The following STAT1 variants were observed in gnomAD, a reference collection of about 807,000 sequenced individuals.
STAT1 encodes the protein signal transducer and activator of transcription 1-alpha/beta.
STAT1 carries 24 observed loss-of-function variants against 111.7 expected under a neutral mutation model. That is an observed-to-expected ratio of 0.21 (90% CI 0.16 to 0.30). STAT1 has a LOEUF of 0.30. Ranked by LOEUF, STAT1 falls within the 10% of genes least tolerant of loss-of-function variation. STAT1 has a pLI of 1.00. For synonymous variants in STAT1, 332 were observed against 326.5 expected (o/e 1.02, Z -0.18); for missense variants, 351 against 911.9 (o/e 0.38, Z 7.92).
Position 190,979,089 on chromosome 2 carries a change from G to T in STAT1, c.1728-88C>A. 1 of 1,550,778 alleles carries T rather than the reference G, an allele frequency of 6.4e-7. No homozygotes were observed. The highest frequency in any genetic ancestry group is 8.8e-7 in the Non-Finnish European group (1 of 1,133,700). Reference sequence around the variant, plus strand: ...AACTTACAAACCAAGAAAATGGCTGGAATGTGAGAAAAAAAACCTACGGTA... The same window carrying T: ...AACTTACAAACCAAGAAAATGGCTGTAATGTGAGAAAAAAAACCTACGGTA... On this transcript the variant is annotated intron_variant, in intron 20 of 24. Coordinates refer to ENST00000361099, the MANE Select transcript of STAT1 (RefSeq NM_007315.4). The surrounding 1 kb of genome is among the most constrained non-coding windows in gnomAD (Gnocchi z 5.8).
Position 190,999,136 on chromosome 2 carries a change from A to C in STAT1, c.541+490T>G, listed in dbSNP as rs1251531676. 6.6e-6 allele frequency among the ~76,000 whole-genome samples: 1 copy of C among 152,206 alleles called. No individual in the cohort carries two copies. On this transcript the variant is annotated intron_variant, in intron 7 of 24. Coordinates refer to ENST00000361099, the MANE Select transcript of STAT1 (RefSeq NM_007315.4). This position sits in a 1 kb window ranked among gnomAD's most constrained non-coding sequence, Gnocchi z 4.1. Reference sequence around the variant, plus strand: ...GTAAAACTGCTTTAAAACATGAGAAAAATACTGAGCTTATCTGCTGTGTAT... The same window carrying C: ...GTAAAACTGCTTTAAAACATGAGAACAATACTGAGCTTATCTGCTGTGTAT...
rs1691397926 is a variant in STAT1, at chr2:190,970,832, T to A, written c.2239-115A>T. 2.0e-6 allele frequency: 2 copies of A among 1,008,304 alleles called. No individual in the cohort carries two copies. The highest frequency in any genetic ancestry group is 1.6e-6 in the Non-Finnish European group (1 of 645,002). The allele number at this position is 1,008,304 out of a possible 1,614,324, so 62.5% of individuals were successfully genotyped here. ...TGAAGTAGTAGGAAGATACTTGCAA[T>A]GGCAAATAAATACCGTGGAATAAGA... On this transcript the variant is annotated intron_variant, in intron 24 of 24. Coordinates refer to ENST00000361099, the MANE Select transcript of STAT1 (RefSeq NM_007315.4). This position sits in a 1 kb window ranked among gnomAD's most constrained non-coding sequence, Gnocchi z 5.4.
chr2:190,991,212 A>G lies in STAT1; in HGVS notation c.1037+16T>C, dbSNP rs769909688. 6.2e-7 allele frequency: 1 copy of G among 1,613,162 alleles called. No individual in the cohort carries two copies. Among genetic ancestry groups the G allele is most frequent in the Non-Finnish European group, 8.5e-7 (1 of 1,179,134 alleles). On this transcript the variant is annotated intron_variant, in intron 11 of 24. Transcript: ENST00000361099. ...CGTGACAGGTGATGTATGGGATGCC[A>G]TCTTTCCCTTGTTACCTCAACTTCA...
rs761609728 is a variant in STAT1 at position 190,983,696 on chromosome 2, G to A, written c.1392C>T (p.Leu464=). The A allele has an allele frequency of 6.2e-7, 1 of 1,614,096 alleles. No individual in the cohort carries two copies. The highest frequency in any genetic ancestry group is 8.5e-7 in the Non-Finnish European group (1 of 1,180,034). The change falls in exon 17 of 25, where the codon CTC becomes CTT. Residue 464 remains leucine, a synonymous_variant. Transcript: ENST00000361099. This position sits in a 1 kb window ranked among gnomAD's most constrained non-coding sequence, Gnocchi z 5.7. ...PVVVISNVSQ[L]PSGWASILWY... is the part of the protein sequence containing the mutation. The stretch of plus-strand genomic sequence containing the variant: ...AAAGGATGGAGGCCCAACCGCTCGG[G>A]AGCTGGCTGACGTTGGAGATCACCA...
At chr2:191,010,307 T>A in intron 2 of STAT1, 1 of 484,672 alleles carries the variant, frequency 2.1e-6, no homozygotes, top group Non-Finnish European at 4.2e-6. Context: ...CCTGGAAACA[T>A]GCTCTCTCTT....
At chr2:191,005,786 G>T (rs535093799) in intron 5 of STAT1, among the ~76,000 whole-genome samples, 326 of 152,312 alleles carry the variant, frequency 2.1e-3, no homozygotes, top group Non-Finnish European at 3.0e-3. Context: ...GCCAATAGTT[G>T]GCTGGATAAC....
chr2:190,980,515 C>G lies in STAT1; in HGVS notation c.1632+105G>C. On this transcript the variant is annotated intron_variant, in intron 19 of 24. Coordinates refer to ENST00000361099, the MANE Select transcript of STAT1 (RefSeq NM_007315.4). This position sits in a 1 kb window ranked among gnomAD's most constrained non-coding sequence, Gnocchi z 6.1. ...GGGGCTCCTTGGCCAGAGAAGAACA[C>G]GCCAAAATAAGCAAACAGTTAAGTA... 7.3e-7 allele frequency: 1 copy of G among 1,363,514 alleles called. No homozygotes were observed. 84.5% of individuals were successfully genotyped at this position (1,363,514 alleles called of 1,614,324 possible).
chr2:190,997,563 A>C lies in STAT1; in HGVS notation c.785+293T>G, dbSNP rs1369967442. On this transcript the variant is annotated intron_variant, in intron 9 of 24. Transcript: ENST00000361099. This position sits in a 1 kb window ranked among gnomAD's most constrained non-coding sequence, Gnocchi z 7.3. The stretch of plus-strand genomic sequence containing the variant: ...GTTTTTAAGGAAACATTAAGAGTCA[A>C]GTCATTAAATGTGTTCTATAACGAC... Among the ~76,000 whole-genome samples the C allele has an allele frequency of 6.6e-6, 1 of 152,226 alleles. No individual in the cohort carries two copies. The highest frequency in any genetic ancestry group is 1.5e-5 in the Non-Finnish European group (1 of 68,032).
chr2:190,986,301 C>T lies in STAT1; in HGVS notation c.1221+553G>A, dbSNP rs1253500960. On this transcript the variant is annotated intron_variant, in intron 14 of 24. Coordinates refer to ENST00000361099, the MANE Select transcript of STAT1 (RefSeq NM_007315.4). This position sits in a 1 kb window ranked among gnomAD's most constrained non-coding sequence, Gnocchi z 5.0. ...ACCCACAGAGCCTCACAGCAACTGG[C>T]AGCCCCCATGTTCACAGAGGAGGAA... is the stretch of plus-strand genomic sequence containing the variant. Among the ~76,000 whole-genome samples, 2 of 152,184 alleles carry T rather than the reference C, an allele frequency of 1.3e-5. No individual in the cohort carries two copies. Among genetic ancestry groups the T allele is most frequent in the African/African-American group, 4.8e-5 (2 of 41,444 alleles).
chr2:191,013,281 T>C (rs1695281946), intron 2 of STAT1, among the ~76,000 whole-genome samples: 1 of 152,182 alleles, frequency 6.6e-6, no homozygotes, highest in Non-Finnish European at 1.5e-5. Context: ...AATAACTCCT[T>C]ATCTATACAA....
rs1693922835 is a variant in STAT1, at chr2:190,997,222, C to T, written c.785+634G>A. Reference sequence around the variant, plus strand: ...GATCTACGTGGAGTAATCCTAGTGACTTTTGAGTCAGCACAAGGCCACTTC... The same window carrying T: ...GATCTACGTGGAGTAATCCTAGTGATTTTTGAGTCAGCACAAGGCCACTTC... On this transcript the variant is annotated intron_variant, in intron 9 of 24. Transcript: ENST00000361099. This position sits in a 1 kb window ranked among gnomAD's most constrained non-coding sequence, Gnocchi z 7.3. Among the ~76,000 whole-genome samples the T allele has an allele frequency of 6.6e-6, 1 of 152,246 alleles. No individual in the cohort carries two copies. The highest frequency in any genetic ancestry group is 2.4e-5 in the African/African-American group (1 of 41,464).
rs773540892 is a variant in STAT1, at chr2:191,001,173, G to A, written c.373-10C>T. 4.4e-6 allele frequency: 7 copies of A among 1,608,578 alleles called. No individual in the cohort carries two copies. Among genetic ancestry groups the A allele is most frequent in the Admixed American group, 1.7e-5 (1 of 60,016 alleles). ...TATTCCCCGACTGAGCCTGTAATGGGAAGGGCATGATTATAGCCATCGTTT... is the reference window on the plus strand; with the variant it reads ...TATTCCCCGACTGAGCCTGTAATGGAAAGGGCATGATTATAGCCATCGTTT... On this transcript the variant is annotated splice_polypyrimidine_tract_variant and intron_variant, in intron 5 of 24. Transcript: ENST00000361099.
At position 190,986,351 on chromosome 2, in the gene STAT1, C is replaced by A. The variant is rs561169719; in HGVS notation, c.1221+503G>T. Among the ~76,000 whole-genome samples, 34 of 152,288 alleles carry A rather than the reference C, an allele frequency of 2.2e-4. No individual in the cohort carries two copies. The highest frequency in any genetic ancestry group is 8.2e-4 in the African/African-American group (34 of 41,558). On this transcript the variant is annotated intron_variant, in intron 14 of 24. Coordinates refer to ENST00000361099, the MANE Select transcript of STAT1 (RefSeq NM_007315.4). This position sits in a 1 kb window ranked among gnomAD's most constrained non-coding sequence, Gnocchi z 5.0. ...AAGATGGTGCACCCACACAGAGCAT[C>A]CTGCTGGGTCTCCACTGCCTGGGGA...
chr2:190,984,324 C>T lies in STAT1; in HGVS notation c.1333G>A (p.Val445Ile), dbSNP rs753695026. The T allele has an allele frequency of 2.5e-6, 4 of 1,613,968 alleles. No homozygotes were observed. The highest frequency in any genetic ancestry group is 1.1e-5 in the South Asian group (1 of 91,080). Residue 445 changes from valine to isoleucine, a missense_variant, in exon 16 of 25, where the codon GTA becomes ATA. Physicochemically the swap from Val to Ile is conservative, Grantham distance 29 (BLOSUM62 3). Transcript: ENST00000361099. This position sits in a 1 kb window ranked among gnomAD's most constrained non-coding sequence, Gnocchi z 5.2. ...FETQLCQPGLVIDLETTSLPV... is the reference protein window; with the variant it reads ...FETQLCQPGLIIDLETTSLPV... ...AAAAGTCTTACCTCGAGGTCAATTA[C>T]CAAACCAGGCTGGCACAATTGGGTT...
At chr2:190,992,815 A>T (rs1350422002) in intron 10 of STAT1, 4 of 393,186 alleles carry the variant, frequency 1.0e-5, no homozygotes, top group Non-Finnish European at 1.7e-5. Context: ...TTTGAGACAG[A>T]GTCTTGCTCC....
Position 191,003,438 on chromosome 2 carries a change from T to C in STAT1, c.373-2275A>G, listed in dbSNP as rs1694433259. 1.3e-5 allele frequency among the ~76,000 whole-genome samples: 2 copies of C among 152,146 alleles called. No homozygotes were observed. Among genetic ancestry groups the C allele is most frequent in the South Asian group, 2.1e-4 (1 of 4,828 alleles). On this transcript the variant is annotated intron_variant, in intron 5 of 24. Transcript: ENST00000361099. The surrounding 1 kb of genome is among the most constrained non-coding windows in gnomAD (Gnocchi z 4.0). Reference sequence around the variant, plus strand: ...CAAATCTCATGAATTGTAATCCCCATTGTTGGAGGTGGGGCCTGGTGGAAG... The same window carrying C: ...CAAATCTCATGAATTGTAATCCCCACTGTTGGAGGTGGGGCCTGGTGGAAG...
rs1252963758 is a variant in STAT1, at chr2:190,996,955, A to G, written c.785+901T>C. ...GCCCTTTCTAAATCAAAGATCAGAG[A>G]AATACATCTCCTGCTTAAGAAAAAA... On this transcript the variant is annotated intron_variant, in intron 9 of 24. Coordinates refer to ENST00000361099, the MANE Select transcript of STAT1 (RefSeq NM_007315.4). This position sits in a 1 kb window ranked among gnomAD's most constrained non-coding sequence, Gnocchi z 4.5. Among the ~76,000 whole-genome samples the G allele has an allele frequency of 6.6e-6, 1 of 152,188 alleles. No individual in the cohort carries two copies. The highest frequency in any genetic ancestry group is 1.5e-5 in the Non-Finnish European group (1 of 68,032).
chr2:190,998,656 C>T lies in STAT1; in HGVS notation c.542-348G>A, dbSNP rs1249461965. Among the ~76,000 whole-genome samples the T allele has an allele frequency of 2.7e-5, 4 of 147,502 alleles. No homozygotes were observed. Among genetic ancestry groups the T allele is most frequent in the Non-Finnish European group, 5.9e-5 (4 of 67,286 alleles). On this transcript the variant is annotated intron_variant, in intron 7 of 24. Coordinates refer to ENST00000361099, the MANE Select transcript of STAT1 (RefSeq NM_007315.4). The surrounding 1 kb of genome is among the most constrained non-coding windows in gnomAD (Gnocchi z 4.1). ...TAGCCTGGGCGACAGAGCGAGACTC[C>T]GTCTCCAAAAAAAAACAAAAAAAAC...
At position 190,980,354 on chromosome 2, in the gene STAT1, G is replaced by T. The variant is rs1374728707; in HGVS notation, c.1632+266C>A. ...ACAGAAATGGCTAAAACACTGCTGG[G>T]CAGGGGTCCAGCGTGAGTGAACAGA... On this transcript the variant is annotated intron_variant, in intron 19 of 24. Transcript: ENST00000361099. The surrounding 1 kb of genome is among the most constrained non-coding windows in gnomAD (Gnocchi z 6.1). 6.6e-6 allele frequency among the ~76,000 whole-genome samples: 1 copy of T among 152,240 alleles called. No individual in the cohort carries two copies. Among genetic ancestry groups the T allele is most frequent in the African/African-American group, 2.4e-5 (1 of 41,462 alleles).
Sources: allele counts gnomAD v4.1 joint callset (sites outside exome capture counted in the v4.1 genomes callset), GRCh38; gene constraint gnomAD v4.1.1; non-coding constraint Gnocchi (gnomAD v3.1); transcripts MANE v1.5; gene names NCBI Gene and HGNC (gene_info 2026-07-23, HGNC 2026-07-21).